The following HAPLN1 variants were observed in gnomAD, a reference collection of about 807,000 sequenced individuals.
HAPLN1 encodes the protein hyaluronan and proteoglycan link protein 1.
HAPLN1 carries 13 observed loss-of-function variants against 36.5 expected under a neutral mutation model. The ratio of observed to expected loss-of-function variants is 0.36; its 90% CI spans 0.23 to 0.57. The LOEUF is 0.57. Ranked by LOEUF, HAPLN1 falls within the 20% of genes least tolerant of loss-of-function variation. HAPLN1 has a pLI of 0.83. For synonymous variants in HAPLN1, 202 were observed against 169.8 expected, an observed-to-expected ratio of 1.19 and a Z score of -1.48; for missense variants, 407 against 439.7, an observed-to-expected ratio of 0.93 and a Z score of 0.66.
At chr5:83,644,331 T>C (rs373133706) in intron 4 of HAPLN1, 32 bp downstream of exon 4, 69 of 1,437,492 alleles carry the variant, frequency 4.8e-5, no homozygotes, top group African/African-American at 3.8e-4. Flanking sequence ...GTCTGTGAGA[T>C]AGGAAAGAAG....
intron 1 of HAPLN1, among the ~76,000 whole-genome samples, chr5:83,700,724 T>G (rs2112628913): frequency 6.6e-6 from 1 of 152,104 alleles, no homozygotes; most frequent in East Asian, 1.9e-4. Context: ...TAGGTTTCAA[T>G]TTTTGCTATG....
intron 1 of HAPLN1, among the ~76,000 whole-genome samples, chr5:83,718,926 C>G (rs1315439183): frequency 6.6e-6 from 1 of 152,178 alleles, no homozygotes; most frequent in Non-Finnish European, 1.5e-5. Context: ...TCTTAAGATT[C>G]AAAGGACTTC....
intron 1 of HAPLN1, among the ~76,000 whole-genome samples, chr5:83,695,074 G>T (rs1035947179): frequency 6.6e-6 from 1 of 152,058 alleles, no homozygotes; most frequent in East Asian, 1.9e-4. Context: ...ACAAAATGGG[G>T]TTTATCCCAG....
At chr5:83,705,003 G>C (rs1751605320) in intron 1 of HAPLN1, among the ~76,000 whole-genome samples, 1 of 152,106 alleles carries the variant, frequency 6.6e-6, no homozygotes, top group African/African-American at 2.4e-5. Flanking sequence ...CCAATAATTA[G>C]ACATAAAACA....
chr5:83,715,160 G>C (rs1751889833), intron 1 of HAPLN1, among the ~76,000 whole-genome samples: 3 of 152,172 alleles, frequency 2.0e-5, no homozygotes, highest in South Asian at 4.1e-4. Context: ...GGATGGGAAG[G>C]CTCCCAGATG....
At chr5:83,701,026 G>A (rs945524881) in intron 1 of HAPLN1, among the ~76,000 whole-genome samples, 2 of 152,078 alleles carry the variant, frequency 1.3e-5, no homozygotes, top group Admixed American at 1.3e-4. Flanking sequence ...CAGTCAAGAG[G>A]TTTACTTTCA....
intron 1 of HAPLN1, among the ~76,000 whole-genome samples, chr5:83,681,673 G>A (rs1482334993): frequency 6.6e-6 from 1 of 151,954 alleles, no homozygotes; most frequent in Admixed American, 6.6e-5. Context: ...ACCAAACCAG[G>A]ATAATTTTTT....
intron 2 of HAPLN1, among the ~76,000 whole-genome samples, chr5:83,661,093 A>C (rs1365712759): frequency 6.6e-6 from 1 of 152,136 alleles, no homozygotes. Flanking sequence ...AGGATCGCCT[A>C]ATCTAGTGGT....
rs901114081 is a variant in HAPLN1, at chr5:83,639,529, C to G, written c.*1967G>C. 7 of 152,016 alleles carry G rather than the reference C, an allele frequency of 4.6e-5. No homozygotes were observed. Among genetic ancestry groups the G allele is most frequent in the Admixed American group, 4.6e-4 (7 of 15,262 alleles). The allele number at this position is 152,016 out of a possible 1,614,324, so 9.4% of individuals were successfully genotyped here. A position where few individuals can be genotyped will look rare whatever the true frequency, so the allele number is the denominator to read the frequency against. On this transcript the variant is annotated 3_prime_UTR_variant, in exon 5 of 5. Coordinates refer to ENST00000274341, the MANE Select transcript of HAPLN1 (RefSeq NM_001884.4). ...TATCGGAACATACATAATAATAGTT[C>G]AAGTATGGACTTCTTTCAATGAGCT...
At chr5:83,653,607 C>A (rs1170749423) in intron 2 of HAPLN1, among the ~76,000 whole-genome samples, 1 of 152,108 alleles carries the variant, frequency 6.6e-6, no homozygotes, top group East Asian at 1.9e-4. Context: ...TCCTTCTATT[C>A]TCTCTCTTTG....
chr5:83,681,301 C>T (rs575309617), intron 1 of HAPLN1, among the ~76,000 whole-genome samples: 1 of 152,134 alleles, frequency 6.6e-6, no homozygotes, highest in South Asian at 2.1e-4. Flanking sequence ...GGAACCTAAA[C>T]GGAGGCATTT....
intron 3 of HAPLN1, among the ~76,000 whole-genome samples, chr5:83,648,591 A>G (rs188733189): frequency 6.6e-5 from 10 of 151,786 alleles, no homozygotes; most frequent in African/African-American, 2.2e-4. Context: ...TCTTTAGTGT[A>G]AATAGCATTT....
rs79810730 is a variant in HAPLN1, at chr5:83,684,704, A to G, written c.-26-11155T>C. Among the ~76,000 whole-genome samples the G allele has an allele frequency of 1.1e-4, 16 of 152,178 alleles. No homozygotes were observed. In the East Asian group the frequency reaches 3.1e-3, roughly 30 times the overall value. On this transcript the variant is annotated intron_variant, in intron 1 of 4. Transcript: ENST00000274341. ...TCATAGTAGAGTGGCTGGAGGTGAG[A>G]TTGGACAGGGAGTCAGGGGCAAGAC...
At chr5:83,681,024 A>G (rs1196786342) in intron 1 of HAPLN1, among the ~76,000 whole-genome samples, 2 of 152,154 alleles carry the variant, frequency 1.3e-5, no homozygotes, top group East Asian at 3.9e-4. Flanking sequence ...TGTTAGACAT[A>G]CTCATATAGG....
At chr5:83,665,621 G>C (rs959574022) in intron 2 of HAPLN1, among the ~76,000 whole-genome samples, 2 of 152,162 alleles carry the variant, frequency 1.3e-5, no homozygotes, top group African/African-American at 4.8e-5. Context: ...ATACTTGACT[G>C]TAGTAAAATG....
At position 83,683,371 on chromosome 5, in the gene HAPLN1, A is replaced by G. The variant is rs527727450; in HGVS notation, c.-26-9822T>C. 3.3e-5 allele frequency among the ~76,000 whole-genome samples: 5 copies of G among 152,248 alleles called. No homozygotes were observed. In the South Asian group the frequency reaches 1.0e-3, roughly 32 times the overall value. Reference sequence around the variant, plus strand: ...GTAGTGAGGGCAGTGTAGAGGTGGCAGAGTTCCTGGGTGAGTACTAACAAA... The same window carrying G: ...GTAGTGAGGGCAGTGTAGAGGTGGCGGAGTTCCTGGGTGAGTACTAACAAA... On this transcript the variant is annotated intron_variant, in intron 1 of 4. Transcript: ENST00000274341.
intron 2 of HAPLN1, among the ~76,000 whole-genome samples, chr5:83,665,016 A>G (rs532883265): frequency 6.6e-6 from 1 of 152,354 alleles, no homozygotes; most frequent in East Asian, 1.9e-4. Flanking sequence ...AGGATATGAA[A>G]ATAATCATAT....
rs1261440656 is a variant in HAPLN1 at position 83,640,596 on chromosome 5, A to G, written c.*900T>C. 2.0e-5 allele frequency: 3 copies of G among 152,218 alleles called. No individual in the cohort carries two copies. In the East Asian group the frequency reaches 5.8e-4, roughly 29 times the overall value. 9.4% of individuals were successfully genotyped at this position (152,218 alleles called of 1,614,324 possible). On this transcript the variant is annotated 3_prime_UTR_variant, in exon 5 of 5. Transcript: ENST00000274341. Reference sequence around the variant, plus strand: ...AAAGTTATTTTTATAGGACAATAACATTTCATAGGCTAACAGAAAATCAAG... The same window carrying G: ...AAAGTTATTTTTATAGGACAATAACGTTTCATAGGCTAACAGAAAATCAAG...
chr5:83,675,499 A>G, intron 1 of HAPLN1, among the ~76,000 whole-genome samples: 1 of 152,144 alleles, frequency 6.6e-6, no homozygotes, highest in East Asian at 1.9e-4. Context: ...TGTATATGAT[A>G]CACACACTAG....
Sources: gnomAD v4.1 joint callset for allele counts (sites outside exome capture counted in the v4.1 genomes callset) on GRCh38, gnomAD v4.1.1 for gene constraint, MANE v1.5 for transcripts, NCBI Gene and HGNC (gene_info 2026-07-23, HGNC 2026-07-21) for gene names.